Variants in DOK6 observed in about 807,000 individuals in gnomAD.
DOK6 encodes docking protein 6, also known as downstream of tyrosine kinase 6.
Under a neutral mutation model 44.0 loss-of-function variants are expected in DOK6, and 22 were observed. The observed-to-expected ratio is 0.50, with a 90% confidence interval of 0.36 to 0.71. DOK6 has a LOEUF of 0.71. DOK6 is among the 30% of genes least tolerant of loss of function. The pLI, the probability that DOK6 is intolerant of heterozygous loss-of-function variation, is 0.00. For missense variants in DOK6, 340 were observed against 416.4 expected, an observed-to-expected ratio of 0.82 and a Z score of 1.60; for synonymous variants, 166 against 145.5, an observed-to-expected ratio of 1.14 and a Z score of -1.01.
intron 1 of DOK6, among the ~76,000 whole-genome samples, chr18:69,409,331 A>T (rs1215818827): frequency 6.6e-6 from 1 of 152,190 alleles, no homozygotes; most frequent in Non-Finnish European, 1.5e-5. Flanking sequence ...ACATGTAGAA[A>T]CGTGTGTAGT....
intron 1 of DOK6, among the ~76,000 whole-genome samples, chr18:69,448,452 A>C (rs558958298): frequency 6.6e-6 from 1 of 151,760 alleles, no homozygotes; most frequent in South Asian, 2.1e-4. Flanking sequence ...GCTCACTGCA[A>C]CCTCTGCCTC....
At chr18:69,578,974 T>A (rs1359432714) in intron 2 of DOK6, among the ~76,000 whole-genome samples, 2 of 152,220 alleles carry the variant, frequency 1.3e-5, no homozygotes, top group Non-Finnish European at 2.9e-5. Context: ...CTTTATTTAC[T>A]TTAGTAAAAA....
At chr18:69,762,681 A>G (rs1979599689) in intron 7 of DOK6, among the ~76,000 whole-genome samples, 1 of 152,246 alleles carries the variant, frequency 6.6e-6, no homozygotes, top group Non-Finnish European at 1.5e-5. Context: ...TTCATTAATA[A>G]GCAGCACATG....
chr18:69,560,401 AT>A (rs559933429), intron 1 of DOK6, among the ~76,000 whole-genome samples: 133 of 144,354 alleles, frequency 9.2e-4, no homozygotes, highest in Middle Eastern at 4.0e-3. Flanking sequence ...TTTGATGCCG[AT>A]TTTTTTTCTT....
intron 1 of DOK6, among the ~76,000 whole-genome samples, chr18:69,471,109 C>T (rs1272039505): frequency 2.0e-5 from 3 of 151,170 alleles, no homozygotes; most frequent in Admixed American, 6.6e-5. Flanking sequence ...ATTAGCCGGG[C>T]GTGGTGGCAT....
chr18:69,547,930 TAATATATATATAATATATATAA>T (rs1227541949), intron 1 of DOK6, among the ~76,000 whole-genome samples: 10 of 144,282 alleles, frequency 6.9e-5, no homozygotes, highest in African/African-American at 2.0e-4. Context: ...ATATAATATA[TAATATATATATAATATATATAA>T]AATATATATA....
At chr18:69,713,929 G>A (rs1986825675) in intron 5 of DOK6, among the ~76,000 whole-genome samples, 1 of 152,170 alleles carries the variant, frequency 6.6e-6, no homozygotes, top group Non-Finnish European at 1.5e-5. Flanking sequence ...CAGCAAAGTG[G>A]TGAAAATAAA....
intron 1 of DOK6, among the ~76,000 whole-genome samples, chr18:69,520,387 T>C (rs777852545): frequency 2.0e-5 from 3 of 151,872 alleles, no homozygotes; most frequent in Non-Finnish European, 4.4e-5. Context: ...TTGAATAGTA[T>C]GTATGTCAGT....
intron 1 of DOK6, among the ~76,000 whole-genome samples, chr18:69,414,982 T>C (rs894729690): frequency 9.9e-5 from 15 of 152,116 alleles, no homozygotes; most frequent in Admixed American, 1.3e-4. Flanking sequence ...TTATGAATTT[T>C]GTAACCTATA....
At chr18:69,601,257 T>C (rs915869266) in intron 3 of DOK6, among the ~76,000 whole-genome samples, 7 of 152,296 alleles carry the variant, frequency 4.6e-5, no homozygotes, top group Middle Eastern at 3.4e-3. Context: ...AATGGCCCAA[T>C]TGAAAGCAAA....
chr18:69,635,958 C>T (rs889618231), intron 3 of DOK6, among the ~76,000 whole-genome samples: 1 of 152,220 alleles, frequency 6.6e-6, no homozygotes. Flanking sequence ...TGTGCTGGCT[C>T]TGCTGCAAGC....
chr18:69,602,619 G>A (rs910400573), intron 3 of DOK6, among the ~76,000 whole-genome samples: 1 of 152,226 alleles, frequency 6.6e-6, no homozygotes, highest in East Asian at 1.9e-4. Flanking sequence ...TTTAACAAAT[G>A]TACCATACTA....
intron 1 of DOK6, among the ~76,000 whole-genome samples, chr18:69,434,573 G>A (rs1349344285): frequency 6.9e-6 from 1 of 144,706 alleles, no homozygotes; most frequent in Non-Finnish European, 1.5e-5. Flanking sequence ...GGCGGATCAC[G>A]AGGTTAGAGC....
At chr18:69,635,168 C>A (rs1422720285) in intron 3 of DOK6, among the ~76,000 whole-genome samples, 8 of 152,136 alleles carry the variant, frequency 5.3e-5, no homozygotes, top group African/African-American at 1.4e-4. Flanking sequence ...TTCCATGTGA[C>A]CCTGATGGGT....
At chr18:69,819,921 G>A (rs1439903404) in intron 7 of DOK6, among the ~76,000 whole-genome samples, 1 of 152,038 alleles carries the variant, frequency 6.6e-6, no homozygotes, top group East Asian at 1.9e-4. Context: ...TAACACTAAC[G>A]ATAACTGATG....
chr18:69,446,448 G>A (rs558551406), intron 1 of DOK6, among the ~76,000 whole-genome samples: 2 of 151,886 alleles, frequency 1.3e-5, no homozygotes, highest in African/African-American at 4.8e-5. Context: ...TCTTAATCCA[G>A]TCTATCATTT....
At chr18:69,480,542 A>T (rs1276786846) in intron 1 of DOK6, among the ~76,000 whole-genome samples, 2 of 152,186 alleles carry the variant, frequency 1.3e-5, no homozygotes, top group African/African-American at 4.8e-5. Context: ...TCTGTAATTA[A>T]TATTCTCTGA....
intron 4 of DOK6, among the ~76,000 whole-genome samples, chr18:69,694,386 T>C (rs1684646728): frequency 6.6e-6 from 1 of 151,608 alleles, no homozygotes; most frequent in Non-Finnish European, 1.5e-5. Flanking sequence ...CTTGTAAACA[T>C]AATTGCAGAT....
intron 7 of DOK6, among the ~76,000 whole-genome samples, chr18:69,758,991 A>G (rs1218630583): frequency 6.6e-6 from 1 of 152,234 alleles, no homozygotes; most frequent in African/African-American, 2.4e-5. Context: ...GATATGTTCT[A>G]CAAGGCAAAG....
Sources: allele counts gnomAD v4.1 joint callset (sites outside exome capture counted in the v4.1 genomes callset), GRCh38; gene constraint gnomAD v4.1.1; transcripts MANE v1.5; gene names NCBI Gene and HGNC (gene_info 2026-07-23, HGNC 2026-07-21).